ATXN7: variants seen among roughly 807,000 people sequenced by gnomAD.
ATXN7 encodes ataxin-7.
ATXN7 carries 12 observed loss-of-function variants against 70.5 expected under a neutral mutation model. The observed-to-expected ratio is 0.17, with a 90% CI of 0.11 to 0.28. The LOEUF (loss-of-function observed/expected upper bound fraction) is 0.28. ATXN7 is among the 10% of genes least tolerant of loss of function. ATXN7 has a pLI of 1.00. For missense variants in ATXN7, 1,256 were observed against 1,131.7 expected (o/e 1.11, Z -1.58); for synonymous variants, 498 against 448.7 (o/e 1.11, Z -1.39).
At chr3:63,991,508 C>T (rs2075671350) in intron 11 of ATXN7, among the ~76,000 whole-genome samples, 1 of 152,092 alleles carries the variant, frequency 6.6e-6, no homozygotes, top group African/African-American at 2.4e-5. Flanking sequence ...AAACAGCAGT[C>T]ACTGGGACAG....
intron 5 of ATXN7, among the ~76,000 whole-genome samples, chr3:63,963,428 C>G (rs990143817): frequency 2.0e-5 from 3 of 152,136 alleles, no homozygotes; most frequent in Non-Finnish European, 2.9e-5. Flanking sequence ...TTTCAACTTA[C>G]CTGCCTTCTC....
At chr3:63,986,627 A>G (rs1359404176) in intron 8 of ATXN7, among the ~76,000 whole-genome samples, 2 of 152,224 alleles carry the variant, frequency 1.3e-5, no homozygotes, top group African/African-American at 4.8e-5. Context: ...CAACACAAAC[A>G]AAACAAAGTT....
chr3:63,953,318 A>G lies in ATXN7; in HGVS notation c.499+835A>G, dbSNP rs74906154. On this transcript the variant is annotated intron_variant, in intron 5 of 12. Transcript: ENST00000674280. ...GAAGGAGCAACTCGGGCAGCAATCTAGAATAAGAGCGTTTGATGCAGAGGG... is the reference window on the plus strand; with the variant it reads ...GAAGGAGCAACTCGGGCAGCAATCTGGAATAAGAGCGTTTGATGCAGAGGG... 3.0e-3 allele frequency among the ~76,000 whole-genome samples: 457 copies of G among 152,290 alleles called. 3 individuals are homozygous for G. The highest frequency in any genetic ancestry group is 0.01 in the African/African-American group (431 of 41,550).
At chr3:63,911,209 G>T (rs931645807) in intron 2 of ATXN7, among the ~76,000 whole-genome samples, 3 of 152,146 alleles carry the variant, frequency 2.0e-5, no homozygotes, top group Non-Finnish European at 4.4e-5. Flanking sequence ...ATCAATTTGA[G>T]AAAATAGTAA....
At chr3:63,984,741 T>G (rs1008198693) in intron 8 of ATXN7, among the ~76,000 whole-genome samples, 2 of 152,236 alleles carry the variant, frequency 1.3e-5, no homozygotes, top group African/African-American at 4.8e-5. Context: ...CTTGTTCATC[T>G]TGCTATAACT....
At chr3:63,902,719 T>G (rs1703686350) in intron 2 of ATXN7, among the ~76,000 whole-genome samples, 1 of 152,100 alleles carries the variant, frequency 6.6e-6, no homozygotes. Context: ...GAATCCCAGC[T>G]AAAGATGAAG....
intron 4 of ATXN7, among the ~76,000 whole-genome samples, chr3:63,916,908 G>C (rs138965850): frequency 5.6e-4 from 85 of 151,650 alleles, no homozygotes; most frequent in African/African-American, 2.0e-3. Context: ...TTGACTTTTT[G>C]TTGTTGTTGT....
chr3:63,871,840 T>A (rs578173138), intron 1 of ATXN7, among the ~76,000 whole-genome samples: 2 of 151,440 alleles, frequency 1.3e-5, no homozygotes, highest in Non-Finnish European at 1.5e-5. Context: ...TAAACATTAT[T>A]ATAATCTGGT....
rs11924619 is a variant in ATXN7, at chr3:63,942,003, C to T, written c.395-10376C>T. On this transcript the variant is annotated intron_variant, in intron 4 of 12. Transcript: ENST00000674280. ...GTGGAGACCAGCCTTCCTCTTCTCT[C>T]TGGTTTCTTAGAAATATATCCAACA... Among the ~76,000 whole-genome samples the T allele has an allele frequency of 2.8e-3, 425 of 152,328 alleles. 1 individual carries two copies. The highest frequency in any genetic ancestry group is 9.7e-3 in the African/African-American group (405 of 41,574).
rs576411517 is a variant in ATXN7, at chr3:63,965,463, C to A, written c.499+12980C>A. The stretch of plus-strand genomic sequence containing the variant: ...TAGGCTAATGCACAGTTCAGAACTC[C>A]CTTTGTGCACTAGAGTAAAATTGAC... On this transcript the variant is annotated intron_variant, in intron 5 of 12. Coordinates refer to ENST00000674280, the MANE Select transcript of ATXN7 (RefSeq NM_001377405.1). 2.6e-5 allele frequency among the ~76,000 whole-genome samples: 4 copies of A among 152,248 alleles called. No homozygotes were observed. In the East Asian group the frequency reaches 5.8e-4, roughly 22 times the overall value.
chr3:63,889,611 A>G (rs1703193681), intron 1 of ATXN7, among the ~76,000 whole-genome samples: 1 of 152,228 alleles, frequency 6.6e-6, no homozygotes, highest in African/African-American at 2.4e-5. Context: ...TAGGATCTAT[A>G]GGAGGGCATG....
chr3:63,914,968 T>C (rs1310376569), intron 4 of ATXN7, among the ~76,000 whole-genome samples: 1 of 152,148 alleles, frequency 6.6e-6, no homozygotes, highest in Non-Finnish European at 1.5e-5. Context: ...CATGCTGGAG[T>C]GCAGTGGTGC....
chr3:63,962,805 G>T, intron 5 of ATXN7, among the ~76,000 whole-genome samples: 1 of 151,974 alleles, frequency 6.6e-6, no homozygotes, highest in Non-Finnish European at 1.5e-5. Context: ...TTCAACTGTG[G>T]TCTGTTGTGC....
At chr3:63,956,744 A>G (rs951785315) in intron 5 of ATXN7, among the ~76,000 whole-genome samples, 2 of 152,168 alleles carry the variant, frequency 1.3e-5, no homozygotes, top group African/African-American at 4.8e-5. Flanking sequence ...GAGACATACA[A>G]TGACTGACAA....
At chr3:63,942,693 G>A (rs2074791242) in intron 4 of ATXN7, among the ~76,000 whole-genome samples, 1 of 152,102 alleles carries the variant, frequency 6.6e-6, no homozygotes, top group Non-Finnish European at 1.5e-5. Context: ...TTGAAGCAGT[G>A]GCTAGTGTAT....
chr3:63,922,451 G>GT (rs937579903), intron 4 of ATXN7, among the ~76,000 whole-genome samples: 3 of 152,130 alleles, frequency 2.0e-5, no homozygotes, highest in African/African-American at 7.2e-5. Context: ...CATGATGTGG[G>GT]TATTTACTTT....
intron 2 of ATXN7, chr3:63,901,245 C>G (rs963118098): frequency 1.3e-5 from 2 of 152,170 alleles, no homozygotes; most frequent in Non-Finnish European, 2.9e-5. Flanking sequence ...GTAGGCATTA[C>G]TTCTCATACT....
At chr3:63,902,853 A>G (rs1190809975) in intron 2 of ATXN7, among the ~76,000 whole-genome samples, 6 of 152,202 alleles carry the variant, frequency 3.9e-5, no homozygotes, top group Non-Finnish European at 8.8e-5. Context: ...TCAAAAAAAA[A>G]TCTTTATAAA....
At chr3:63,984,680 C>T (rs1346611248) in intron 8 of ATXN7, among the ~76,000 whole-genome samples, 1 of 152,202 alleles carries the variant, frequency 6.6e-6, no homozygotes, top group Admixed American at 6.5e-5. Context: ...TTTAAGTGTG[C>T]AAGACAGTAT....
Sources: allele counts gnomAD v4.1 joint callset (sites outside exome capture counted in the v4.1 genomes callset), GRCh38; gene constraint gnomAD v4.1.1; transcripts MANE v1.5; gene names NCBI Gene and HGNC (gene_info 2026-07-23, HGNC 2026-07-21).